Variants in OSBPL10 observed in about 807,000 individuals in gnomAD.
OSBPL10 encodes oxysterol-binding protein-related protein 10.
A neutral mutation model predicts 81.7 loss-of-function variants in OSBPL10; 49 were observed. The observed-to-expected ratio is 0.60, with a 90% CI of 0.48 to 0.76. The LOEUF (loss-of-function observed/expected upper bound fraction) is 0.76. Ranked by LOEUF, OSBPL10 falls within the 30% of genes least tolerant of loss-of-function variation. The probability of loss-of-function intolerance (pLI) is 0.00; values close to 1 mark genes in which losing one functional copy is unlikely to be tolerated. For missense variants in OSBPL10, 923 were observed against 987.8 expected (o/e 0.93, Z 0.88); for synonymous variants, 419 against 383.6 (o/e 1.09, Z -1.08).
chr3:31,812,306 A>C (rs931837273), intron 4 of OSBPL10, among the ~76,000 whole-genome samples: 10 of 152,234 alleles, frequency 6.6e-5, no homozygotes, highest in African/African-American at 2.4e-4. Flanking sequence ...TGCTGGGATT[A>C]CAGGCGTAAG....
chr3:31,662,652 T>C (rs1700095570), intron 11 of OSBPL10: 2 of 986,420 alleles, frequency 2.0e-6, no homozygotes, highest in East Asian at 1.1e-4. Context: ...GAAGGCACTA[T>C]ACTGAATAAC....
chr3:31,835,391 C>G (rs749577104), intron 3 of OSBPL10, among the ~76,000 whole-genome samples: 1 of 147,642 alleles, frequency 6.8e-6, no homozygotes, highest in Non-Finnish European at 1.5e-5. Context: ...GTCCTCAAAA[C>G]CTCTTAAGAC....
intron 3 of OSBPL10, among the ~76,000 whole-genome samples, chr3:31,832,891 T>A (rs1404931982): frequency 6.6e-6 from 1 of 152,190 alleles, no homozygotes; most frequent in Non-Finnish European, 1.5e-5. Flanking sequence ...AACTGTTAAA[T>A]GTTAATGATC....
intron 1 of OSBPL10, 149 bp from the exon 2 acceptor site, chr3:31,879,979 A>C: frequency 2.5e-6 from 2 of 795,732 alleles, no homozygotes; most frequent in Non-Finnish European, 3.9e-6. Flanking sequence ...TGCCCATAGA[A>C]GTTAGCCTGA....
intron 3 of OSBPL10, among the ~76,000 whole-genome samples, chr3:31,844,489 T>C (rs1249509954): frequency 6.6e-6 from 1 of 152,236 alleles, no homozygotes; most frequent in Non-Finnish European, 1.5e-5. Context: ...GAAGTATTGA[T>C]ACATGCAACA....
At chr3:31,856,319 C>T (rs954212826) in intron 3 of OSBPL10, among the ~76,000 whole-genome samples, 2 of 152,020 alleles carry the variant, frequency 1.3e-5, no homozygotes, top group African/African-American at 4.8e-5. Context: ...GTTTTATTTA[C>T]TTAATTTGAT....
intron 1 of OSBPL10, among the ~76,000 whole-genome samples, chr3:31,963,776 CT>C (rs1315181642): frequency 1.2e-4 from 18 of 152,170 alleles, no homozygotes; most frequent in African/African-American, 4.1e-4. Context: ...CATGAAATCT[CT>C]GGATAAAAAT....
At chr3:31,779,352 T>C (rs1429217541) in intron 4 of OSBPL10, among the ~76,000 whole-genome samples, 1 of 151,982 alleles carries the variant, frequency 6.6e-6, no homozygotes, top group Non-Finnish European at 1.5e-5. Context: ...TGACATAAAC[T>C]CAAGGTAAAG....
At chr3:31,892,910 G>A (rs759950010) in intron 1 of OSBPL10, among the ~76,000 whole-genome samples, 2 of 152,120 alleles carry the variant, frequency 1.3e-5, no homozygotes, top group South Asian at 2.1e-4. Context: ...AAAACCATGG[G>A]GCTAAACTTT....
intron 4 of OSBPL10, among the ~76,000 whole-genome samples, chr3:31,753,177 C>CT (rs1018960636): frequency 7.3e-6 from 1 of 137,226 alleles, no homozygotes; most frequent in Non-Finnish European, 1.5e-5. Flanking sequence ...TAAAGCTGTG[C>CT]TTCAAGGATT....
chr3:31,999,693 A>G (rs1046260191), intron 2 of OSBPL10, among the ~76,000 whole-genome samples: 3 of 152,062 alleles, frequency 2.0e-5, no homozygotes, highest in African/African-American at 7.2e-5. Context: ...TTTGCCATTC[A>G]TAAGTTTTGC....
In OSBPL10 at chr3:31,994,440, G is replaced by A. The variant is rs72854174; in HGVS notation, n.298+52051C>T. 9.2e-3 allele frequency among the ~76,000 whole-genome samples: 1,403 copies of A among 152,238 alleles called. 24 individuals are homozygous for A. The highest frequency in any genetic ancestry group is 0.032 in the African/African-American group (1,323 of 41,538). ...AAGAAAAAGGTATATGAGGTCAAAT[G>A]TCCTGTATGCCTTCATGTTAGAGGA... On this transcript the variant is annotated intron_variant and non_coding_transcript_variant, in intron 2 of 3. Coordinates refer to the OSBPL10 transcript ENST00000479173.
At chr3:31,683,064 T>C (rs1157917346) in intron 8 of OSBPL10, among the ~76,000 whole-genome samples, 8 of 152,228 alleles carry the variant, frequency 5.3e-5, no homozygotes, top group Admixed American at 5.2e-4. Flanking sequence ...ACAAGGATTA[T>C]TATAGGTTTC....
At chr3:31,812,239 C>G (rs1699699801) in intron 4 of OSBPL10, among the ~76,000 whole-genome samples, 1 of 152,072 alleles carries the variant, frequency 6.6e-6, no homozygotes, top group Non-Finnish European at 1.5e-5. Flanking sequence ...GCATTGTTGA[C>G]CAGGCTGGTC....
chr3:32,053,854 A>T (rs1699687384), intron 1 of OSBPL10, among the ~76,000 whole-genome samples: 3 of 152,028 alleles, frequency 2.0e-5, no homozygotes, highest in Admixed American at 6.6e-5. Context: ...TGTGCCTGTA[A>T]TCTCAAGGCT....
At chr3:31,859,528 C>T (rs958250989) in intron 3 of OSBPL10, among the ~76,000 whole-genome samples, 4 of 152,220 alleles carry the variant, frequency 2.6e-5, no homozygotes, top group African/African-American at 4.8e-5. Context: ...CGCTGCCTCA[C>T]GAAATCCTGG....
chr3:31,721,280 T>C (rs1009781074), intron 6 of OSBPL10: 2 of 152,224 alleles, frequency 1.3e-5, no homozygotes, highest in African/African-American at 4.8e-5. Flanking sequence ...GAGACCTGTG[T>C]CAGACTTCTA....
intron 7 of OSBPL10, among the ~76,000 whole-genome samples, chr3:31,698,255 G>C (rs1197772273): frequency 2.0e-5 from 3 of 151,826 alleles, no homozygotes; most frequent in African/African-American, 4.8e-5. Context: ...TTTGAGACCA[G>C]CCTGGGCAAC....
intron 2 of OSBPL10, among the ~76,000 whole-genome samples, chr3:32,023,684 T>C (rs1699377912): frequency 6.6e-6 from 1 of 152,188 alleles, no homozygotes; most frequent in Non-Finnish European, 1.5e-5. Flanking sequence ...TAATATAGTT[T>C]ATTGCTGCAT....
Sources: allele counts gnomAD v4.1 joint callset (sites outside exome capture counted in the v4.1 genomes callset), GRCh38; gene constraint gnomAD v4.1.1; transcripts MANE v1.5; gene names NCBI Gene and HGNC (gene_info 2026-07-23, HGNC 2026-07-21).